ROBO2: variants seen among roughly 807,000 people sequenced by gnomAD.
ROBO2 encodes roundabout homolog 2.
A neutral mutation model predicts 160.8 loss-of-function variants in ROBO2; 53 were observed. That is an observed-to-expected ratio of 0.33 (90% CI 0.26 to 0.41). The LOEUF is 0.41. ROBO2 is among the 10% of genes least tolerant of loss of function. ROBO2 has a pLI of 1.00. For synonymous variants in ROBO2, 664 were observed against 611.7 expected, an observed-to-expected ratio of 1.09 and a Z score of -1.26; for missense variants, 1,577 against 1,722.4, an observed-to-expected ratio of 0.92 and a Z score of 1.49.
chr3:75,988,462 G>T (rs74800329), intron 2 of ROBO2, among the ~76,000 whole-genome samples: 3,981 of 151,698 alleles, frequency 0.026, 82 homozygotes, highest in Non-Finnish European at 0.041. Context: ...GATTTTTTTT[G>T]AAGAATCAAC....
At chr3:76,147,849 G>T (rs559993865) in intron 2 of ROBO2, among the ~76,000 whole-genome samples, 1 of 152,116 alleles carries the variant, frequency 6.6e-6, no homozygotes, top group South Asian at 2.1e-4. Context: ...GCTTCTTGTG[G>T]GGTCCTTCAG....
chr3:76,025,173 AATG>A (rs1181303669), intron 2 of ROBO2, among the ~76,000 whole-genome samples: 43 of 151,796 alleles, frequency 2.8e-4, no homozygotes, highest in Non-Finnish European at 3.0e-5. Context: ...AATTTTAAAT[AATG>A]CTAAATATTT....
intron 2 of ROBO2, among the ~76,000 whole-genome samples, chr3:77,275,329 G>A (rs2059758278): frequency 6.6e-6 from 1 of 152,108 alleles, no homozygotes; most frequent in Non-Finnish European, 1.5e-5. Flanking sequence ...ACTATCATAT[G>A]TCAAAACGTT....
intron 21 of ROBO2, among the ~76,000 whole-genome samples, chr3:77,609,031 A>G (rs755433061): frequency 7.3e-5 from 11 of 151,614 alleles, no homozygotes; most frequent in Non-Finnish European, 1.3e-4. Flanking sequence ...CTTTAATGAT[A>G]TCATTTGCCT....
intron 2 of ROBO2, among the ~76,000 whole-genome samples, chr3:76,321,483 C>T (rs1329418436): frequency 4.3e-5 from 6 of 140,560 alleles, no homozygotes; most frequent in East Asian, 2.2e-4. Flanking sequence ...GGCAACAGAG[C>T]GAGGCTCCAT....
chr3:76,094,527 G>C (rs907205046), intron 2 of ROBO2, among the ~76,000 whole-genome samples: 1 of 152,204 alleles, frequency 6.6e-6, no homozygotes, highest in African/African-American at 2.4e-5. Flanking sequence ...TTCTCTGGAA[G>C]ATCCACAAAT....
At chr3:77,022,888 C>A (rs1477626027) in intron 2 of ROBO2, among the ~76,000 whole-genome samples, 2 of 152,126 alleles carry the variant, frequency 1.3e-5, no homozygotes, top group Non-Finnish European at 2.9e-5. Context: ...CACCATCCAC[C>A]TCCGGAATGT....
intron 2 of ROBO2, among the ~76,000 whole-genome samples, chr3:76,619,189 A>T (rs2109215606): frequency 6.6e-6 from 1 of 151,674 alleles, no homozygotes; most frequent in Admixed American, 6.6e-5. Context: ...AAATACAAAA[A>T]ATTAGCCGGG....
intron 2 of ROBO2, among the ~76,000 whole-genome samples, chr3:77,426,682 A>C (rs1448037436): frequency 1.5e-4 from 3 of 19,646 alleles, no homozygotes; most frequent in African/African-American, 9.2e-4. Flanking sequence ...TTTGGTCAGG[A>C]AGGAAGGAAG....
chr3:76,773,545 A>G (rs2108523440), intron 2 of ROBO2, among the ~76,000 whole-genome samples: 1 of 148,592 alleles, frequency 6.7e-6, no homozygotes, highest in East Asian at 2.0e-4. Flanking sequence ...GAAGAGCTTC[A>G]AAATTAAGGG....
intron 2 of ROBO2, among the ~76,000 whole-genome samples, chr3:76,133,951 T>A (rs1053224728): frequency 6.6e-6 from 1 of 151,940 alleles, no homozygotes; most frequent in Admixed American, 6.6e-5. Flanking sequence ...AAGTTGACAC[T>A]CAATATTAGC....
intron 2 of ROBO2, among the ~76,000 whole-genome samples, chr3:77,339,280 A>C (rs973515189): frequency 2.6e-5 from 4 of 152,102 alleles, no homozygotes; most frequent in Non-Finnish European, 5.9e-5. Flanking sequence ...GCAAATATTG[A>C]CTGTAATTAA....
intron 17 of ROBO2, among the ~76,000 whole-genome samples, chr3:77,594,687 T>G (rs1292223849): frequency 6.6e-6 from 1 of 152,212 alleles, no homozygotes; most frequent in East Asian, 1.9e-4. Flanking sequence ...GTATTTGTTT[T>G]TCTTGTTTCA....
intron 21 of ROBO2, among the ~76,000 whole-genome samples, chr3:77,610,317 CT>C (rs2094603575): frequency 6.6e-6 from 1 of 152,012 alleles, no homozygotes; most frequent in African/African-American, 2.4e-5. Context: ...ACTTCAGATA[CT>C]TTTTTGCTCT....
At chr3:76,622,196 A>AAGGG (rs1267022936) in intron 2 of ROBO2, among the ~76,000 whole-genome samples, 1 of 31,270 alleles carries the variant, frequency 3.2e-5, no homozygotes, top group Non-Finnish European at 6.3e-5. Context: ...AAAAGAAAGG[A>AAGGG]AGGAAGGAAG....
chr3:76,233,386 C>T lies in ROBO2; in HGVS notation c.109+295784C>T, dbSNP rs138501044. On this transcript the variant is annotated intron_variant, in intron 2 of 26. Coordinates refer to the ROBO2 transcript ENST00000487694. ...CTCAAACTCCTGACCTGAGGTGATC[C>T]GCCTGCCTCGGCCTCCCAAGCTGCT... Among the ~76,000 whole-genome samples, 45 of 152,148 alleles carry T rather than the reference C, an allele frequency of 3.0e-4. No individual in the cohort carries two copies. The East Asian group carries it at 8.4e-3, about 28-fold the overall frequency.
intron 2 of ROBO2, among the ~76,000 whole-genome samples, chr3:76,874,006 A>G (rs1038762880): frequency 1.3e-5 from 2 of 152,232 alleles, no homozygotes; most frequent in African/African-American, 4.8e-5. Context: ...AAACAGAAGC[A>G]TAACAGAAGT....
rs182453676 is a variant in ROBO2, at chr3:76,120,253, C to T, written c.109+182651C>T. ...CTGACCTCAGGTGATCCGCCCACCT[C>T]GGCCTTCCAAAGTGCTGGGATTACA... On this transcript the variant is annotated intron_variant, in intron 2 of 26. Transcript: ENST00000487694. 6.8e-4 allele frequency among the ~76,000 whole-genome samples: 104 copies of T among 152,118 alleles called. No individual in the cohort carries two copies. The East Asian group carries it at 0.019, about 28-fold the overall frequency.
intron 2 of ROBO2, among the ~76,000 whole-genome samples, chr3:76,252,758 T>TACACACAC (rs113177987): frequency 4.1e-4 from 22 of 53,512 alleles, no homozygotes. Flanking sequence ...TGTATATGTA[T>TACACACAC]ACACACACAC....
Sources: allele counts gnomAD v4.1 joint callset (sites outside exome capture counted in the v4.1 genomes callset), GRCh38; gene constraint gnomAD v4.1.1; transcripts MANE v1.5; gene names NCBI Gene and HGNC (gene_info 2026-07-23, HGNC 2026-07-21).